EPM2A: variants seen among roughly 807,000 people sequenced by gnomAD.
EPM2A encodes laforin.
A neutral mutation model predicts 26.5 loss-of-function variants in EPM2A; 21 were observed. That is an observed-to-expected ratio of 0.79 (90% CI 0.56 to 1.14). EPM2A has a LOEUF of 1.14. Among genes scored for constraint, EPM2A ranks in the 50% most tolerant of loss-of-function variants. EPM2A has a pLI of 0.00. For synonymous variants in EPM2A, 217 were observed against 177.6 expected, an observed-to-expected ratio of 1.22 and a Z score of -1.76; for missense variants, 458 against 440.8, an observed-to-expected ratio of 1.04 and a Z score of -0.35.
At position 145,467,808 on chromosome 6, in the gene EPM2A, A is replaced by G. The variant is rs953174265; in HGVS notation, c.555+34714T>C. 1.3e-4 allele frequency among the ~76,000 whole-genome samples: 20 copies of G among 152,144 alleles called. No homozygotes were observed. The South Asian group carries it at 1.5e-3, about 11-fold the overall frequency. ...ACACTGTTTTTCGTAACAGTCTTTC[A>G]GATCTTTTGTTAGGTTTAATTCTCC... On this transcript the variant is annotated intron_variant, in intron 4 of 4. Coordinates refer to the EPM2A transcript ENST00000638717.
intron 2 of EPM2A, among the ~76,000 whole-genome samples, chr6:145,569,059 G>A (rs145562627): frequency 6.6e-6 from 1 of 152,318 alleles, no homozygotes; most frequent in African/African-American, 2.4e-5. Context: ...TTGAAATGCT[G>A]TTCAGGAAAA....
chr6:145,538,308 A>G (rs1415278293), intron 2 of EPM2A, among the ~76,000 whole-genome samples: 1 of 152,046 alleles, frequency 6.6e-6, no homozygotes, highest in East Asian at 1.9e-4. Flanking sequence ...AACTTAATAC[A>G]TGTTTAGTAA....
At chr6:145,413,526 C>G (rs983538395) in intron 4 of EPM2A, among the ~76,000 whole-genome samples, 3 of 152,016 alleles carry the variant, frequency 2.0e-5, no homozygotes, top group African/African-American at 7.3e-5. Context: ...CATTTTCCAG[C>G]CCGTGGTTGA....
intron 4 of EPM2A, among the ~76,000 whole-genome samples, chr6:145,465,833 G>T (rs1225298943): frequency 1.3e-5 from 2 of 152,030 alleles, no homozygotes; most frequent in African/African-American, 4.8e-5. Context: ...AAATAACGCC[G>T]CATATCTACA....
At chr6:145,431,890 C>T (rs919753561) in intron 4 of EPM2A, among the ~76,000 whole-genome samples, 8 of 152,136 alleles carry the variant, frequency 5.3e-5, no homozygotes, top group Admixed American at 2.6e-4. Flanking sequence ...GCTGTCTTTG[C>T]CTAATCAACT....
chr6:145,642,539 C>T (rs1777162120), intron 2 of EPM2A, among the ~76,000 whole-genome samples: 1 of 152,096 alleles, frequency 6.6e-6, no homozygotes, highest in Non-Finnish European at 1.5e-5. Flanking sequence ...TTGATGAAGA[C>T]AGGCAACAAA....
chr6:145,465,459 T>C (rs1020323073), intron 4 of EPM2A, among the ~76,000 whole-genome samples: 1 of 152,110 alleles, frequency 6.6e-6, no homozygotes, highest in Non-Finnish European at 1.5e-5. Flanking sequence ...TGAAGCCTTC[T>C]TCTCTCAGCT....
intron 4 of EPM2A, among the ~76,000 whole-genome samples, chr6:145,405,292 A>G (rs1778551419): frequency 6.6e-6 from 1 of 152,150 alleles, no homozygotes; most frequent in African/African-American, 2.4e-5. Context: ...CTCATTGTGA[A>G]TTCTACGGCC....
At chr6:145,686,011 T>A (rs191634115) in intron 2 of EPM2A, 111 bp downstream of exon 2, 3 of 931,048 alleles carry the variant, frequency 3.2e-6, no homozygotes, top group Non-Finnish European at 5.1e-6. Flanking sequence ...TACAGGCCTA[T>A]AGACCCCTCC....
intron 4 of EPM2A, among the ~76,000 whole-genome samples, chr6:145,394,854 C>G (rs756332526): frequency 6.6e-6 from 1 of 152,108 alleles, no homozygotes; most frequent in African/African-American, 2.4e-5. Flanking sequence ...ACAGAAAACT[C>G]CACTTACTTT....
chr6:145,492,962 C>T (rs541431788), intron 4 of EPM2A, among the ~76,000 whole-genome samples: 1 of 152,302 alleles, frequency 6.6e-6, no homozygotes, highest in African/African-American at 2.4e-5. Flanking sequence ...GGGTGGGACC[C>T]TCGCCAGGGA....
chr6:145,429,304 AT>A, intron 4 of EPM2A, among the ~76,000 whole-genome samples: 1 of 152,266 alleles, frequency 6.6e-6, no homozygotes, highest in African/African-American at 2.4e-5. Flanking sequence ...ATATTTTAAT[AT>A]ATCTATCAAT....
At chr6:145,520,884 C>T (rs940706532) in intron 2 of EPM2A, among the ~76,000 whole-genome samples, 1 of 152,026 alleles carries the variant, frequency 6.6e-6, no homozygotes, top group Non-Finnish European at 1.5e-5. Context: ...TGAAGAGTTG[C>T]CATGTTTTTA....
At position 145,626,521 on chromosome 6, in the gene EPM2A, T is replaced by C; in HGVS notation, c.*895A>G. Reference sequence around the variant, plus strand: ...ATCAGAATACTATTCTATGTCTCGCTATAGAAACTCCTGCAGGCATATTGA... The same window carrying C: ...ATCAGAATACTATTCTATGTCTCGCCATAGAAACTCCTGCAGGCATATTGA... On this transcript the variant is annotated 3_prime_UTR_variant, in exon 4 of 4. Coordinates refer to ENST00000367519, the MANE Select transcript of EPM2A (RefSeq NM_005670.4). 2.0e-6 allele frequency: 2 copies of C among 985,678 alleles called. No homozygotes were observed. The highest frequency in any genetic ancestry group is 2.4e-6 in the Non-Finnish European group (2 of 829,768). The allele number at this position is 985,678 out of a possible 1,614,324, so 61.1% of individuals were successfully genotyped here.
In EPM2A at chr6:145,486,895, T is replaced by C. The variant is rs1034760972; in HGVS notation, c.555+15627A>G. 7.2e-5 allele frequency among the ~76,000 whole-genome samples: 11 copies of C among 152,158 alleles called. 1 individual carries two copies. Among genetic ancestry groups the C allele is most frequent in the Non-Finnish European group, 1.6e-4 (11 of 68,016 alleles). On this transcript the variant is annotated intron_variant, in intron 4 of 4. Transcript: ENST00000638717. ...GTACAGGATGCGCAGGTTTGTTATA[T>C]AGGTAAACATGTGTCATGGGATTTG...
At position 145,598,197 on chromosome 6, in the gene EPM2A, A is replaced by G. The variant is rs185380482; in HGVS notation, c.340+37048T>C. On this transcript the variant is annotated intron_variant, in intron 2 of 3. Coordinates refer to the EPM2A transcript ENST00000450221. Reference sequence around the variant, plus strand: ...TAATCTATACTCCCACTAACAATGTATAAGTGTTCCCTTTTCTCTACAACC... The same window carrying G: ...TAATCTATACTCCCACTAACAATGTGTAAGTGTTCCCTTTTCTCTACAACC... Among the ~76,000 whole-genome samples, 142 of 152,302 alleles carry G rather than the reference A, an allele frequency of 9.3e-4. 1 individual carries two copies. Among genetic ancestry groups the G allele is most frequent in the African/African-American group, 2.5e-3 (106 of 41,580 alleles).
At chr6:145,452,732 T>C (rs1779214464) in intron 4 of EPM2A, among the ~76,000 whole-genome samples, 1 of 150,950 alleles carries the variant, frequency 6.6e-6, no homozygotes, top group African/African-American at 2.4e-5. Flanking sequence ...TAAAAATAAA[T>C]GTATATTTTC....
chr6:145,549,461 C>T (rs747899543), intron 2 of EPM2A, among the ~76,000 whole-genome samples: 7 of 152,048 alleles, frequency 4.6e-5, no homozygotes, highest in Non-Finnish European at 8.8e-5. Context: ...TGCCTCTAGA[C>T]GCAAGTAATT....
chr6:145,511,228 AG>A (rs746725278), intron 2 of EPM2A, among the ~76,000 whole-genome samples: 3 of 152,166 alleles, frequency 2.0e-5, no homozygotes, highest in Non-Finnish European at 4.4e-5. Flanking sequence ...AAATTGAGGA[AG>A]GGGGATTCCT....
Sources: gnomAD v4.1 joint callset for allele counts (sites outside exome capture counted in the v4.1 genomes callset) on GRCh38, gnomAD v4.1.1 for gene constraint, MANE v1.5 for transcripts, NCBI Gene and HGNC (gene_info 2026-07-23, HGNC 2026-07-21) for gene names.